Variants in JMJD1C observed in about 807,000 individuals in gnomAD.
The protein encoded by JMJD1C is jumonji domain containing 1C.
JMJD1C carries 31 observed loss-of-function variants against 245.3 expected under a neutral mutation model. The ratio of observed to expected loss-of-function variants is 0.13; its 90% CI spans 0.09 to 0.17. JMJD1C has a LOEUF of 0.17. Ranked by LOEUF, JMJD1C falls within the 10% of genes least tolerant of loss-of-function variation. JMJD1C has a pLI of 1.00. For missense variants in JMJD1C, 2,691 were observed against 3,000.2 expected (o/e 0.90, Z 2.41); for synonymous variants, 1,057 against 1,017.4 (o/e 1.04, Z -0.74).
chr10:63,431,771 T>A (rs1458761507), intron 1 of JMJD1C, among the ~76,000 whole-genome samples: 1 of 152,192 alleles, frequency 6.6e-6, no homozygotes, highest in Admixed American at 6.5e-5. Flanking sequence ...CCCAGCACTT[T>A]GGGAGGCCGA....
At chr10:63,279,364 GA>G (rs1245830975) in intron 2 of JMJD1C, among the ~76,000 whole-genome samples, 1 of 151,886 alleles carries the variant, frequency 6.6e-6, no homozygotes, top group East Asian at 1.9e-4. Flanking sequence ...CATTGAAACA[GA>G]AAAAAAATTT....
chr10:63,477,785 C>T (rs1953709784), intron 1 of JMJD1C, among the ~76,000 whole-genome samples: 1 of 152,092 alleles, frequency 6.6e-6, no homozygotes, highest in Non-Finnish European at 1.5e-5. Flanking sequence ...AAAACTTCTG[C>T]TCTCCAAAGG....
upstream of JMJD1C, chr10:63,466,063 G>A: frequency 4.6e-6 from 1 of 215,426 alleles, no homozygotes; most frequent in Non-Finnish European, 9.1e-6. Flanking sequence ...GGGAGGGTCG[G>A]CGGAACCACC....
chr10:63,500,746 A>AGGATGGAAGGATGGATGAATGGAT (rs1954524441), intron 1 of JMJD1C, among the ~76,000 whole-genome samples: 2 of 112,068 alleles, frequency 1.8e-5, no homozygotes, highest in Non-Finnish European at 4.2e-5. Context: ...GATGGATGGA[A>AGGATGGAAGGATGGATGAATGGAT]GGATGGATGG....
upstream of JMJD1C, among the ~76,000 whole-genome samples, chr10:63,470,404 T>C (rs10761771): frequency 0.42 from 63,988 of 152,042 alleles, 14,210 homozygotes; most frequent in South Asian, 0.53. Flanking sequence ...TTCAAAATAA[T>C]GTCTTATGTA....
Position 63,203,713 on chromosome 10 carries a change from A to G in JMJD1C, c.5074+2882T>C, listed in dbSNP as rs1055693349. 3.1e-6 allele frequency: 3 copies of G among 983,136 alleles called. No homozygotes were observed. The African/African-American group carries it at 5.2e-5, about 17-fold the overall frequency. 60.9% of individuals were successfully genotyped at this position (983,136 alleles called of 1,614,324 possible). ...GTAGCAGAGAGGAAGACATTCCAAA[A>G]GAGTAGATAAGACAAAATCTATTAT... On this transcript the variant is annotated intron_variant, in intron 10 of 25. Transcript: ENST00000399262.
rs1846857995 is a variant in JMJD1C at position 63,208,008 on chromosome 10, C to T, written c.3661G>A (p.Glu1221Lys). ...GGGGAAAGACTACTATAGCTGCCTT[C>T]CTTTCTTTCCAGGCTGTGATGGATT... ...PPIHHSLERK[E>K]GSYSSLSPPT... is the part of the protein sequence containing the mutation. The change falls in exon 10 of 26, where the codon GAA (glutamate) becomes AAA (lysine). Residue 1221 changes from glutamate (E) to lysine (K), a missense_variant. By Grantham distance (56) the Glu-to-Lys change is moderately conservative. Transcript: ENST00000399262. The T allele has an allele frequency of 1.2e-6, 2 of 1,614,172 alleles. No individual in the cohort carries two copies. Among genetic ancestry groups the T allele is most frequent in the Non-Finnish European group, 1.7e-6 (2 of 1,180,020 alleles).
chr10:63,182,484 G>C (rs1843607996), intron 22 of JMJD1C, among the ~76,000 whole-genome samples: 1 of 152,164 alleles, frequency 6.6e-6, no homozygotes, highest in African/African-American at 2.4e-5. Flanking sequence ...AAGTGACAAA[G>C]ATGGTAAAAT....
Position 63,206,674 on chromosome 10 carries a change from T to C in JMJD1C, c.4995A>G (p.Glu1665=). 1 of 1,613,246 alleles carries C rather than the reference T, an allele frequency of 6.2e-7. No homozygotes were observed. Among genetic ancestry groups the C allele is most frequent in the Non-Finnish European group, 8.5e-7 (1 of 1,179,748 alleles). The part of the protein sequence containing the change: ...NDLQKRKGEI[E]EDLKPNGVLS... Reference sequence around the variant, plus strand: ...GAACTCCATTGGGTTTCAAATCTTCTTCTATTTCACCTTTTCTCTTTTGCA... The same window carrying C: ...GAACTCCATTGGGTTTCAAATCTTCCTCTATTTCACCTTTTCTCTTTTGCA... The change falls in exon 10 of 26, where the codon GAA becomes GAG. Residue 1665 remains glutamate, a synonymous_variant. Transcript: ENST00000399262.
chr10:63,292,661 A>C lies in JMJD1C; in HGVS notation c.334-27897T>G, dbSNP rs977921789. Among the ~76,000 whole-genome samples the C allele has an allele frequency of 3.3e-5, 5 of 152,136 alleles. No individual in the cohort carries two copies. The South Asian group carries it at 1.0e-3, about 31-fold the overall frequency. ...ATCATCACATCATACTAATGTTTAC[A>C]AACATTCTAAAGCCAAATCCACTTC... On this transcript the variant is annotated intron_variant, in intron 2 of 25. Coordinates refer to ENST00000399262, the MANE Select transcript of JMJD1C (RefSeq NM_032776.3).
At chr10:63,264,341 T>G (rs1054180451) in intron 3 of JMJD1C, among the ~76,000 whole-genome samples, 1 of 152,156 alleles carries the variant, frequency 6.6e-6, no homozygotes, top group Non-Finnish European at 1.5e-5. Flanking sequence ...TGAAGACAAT[T>G]TATACTAATA....
At chr10:63,210,812 T>A (rs1468066535) in intron 8 of JMJD1C, among the ~76,000 whole-genome samples, 1 of 152,160 alleles carries the variant, frequency 6.6e-6, no homozygotes, top group Non-Finnish European at 1.5e-5. Flanking sequence ...GTAAAGAGGA[T>A]AATATAGTGA....
At chr10:63,320,298 T>G (rs527909415) in intron 2 of JMJD1C, among the ~76,000 whole-genome samples, 27 of 152,336 alleles carry the variant, frequency 1.8e-4, no homozygotes, top group Non-Finnish European at 3.4e-4. Flanking sequence ...TTTAATACAT[T>G]TATTAGGATA....
intron 10 of JMJD1C, chr10:63,204,945 C>A (rs996057103): frequency 1.0e-6 from 1 of 985,312 alleles, no homozygotes. Context: ...CTTTGAGTGT[C>A]CACATTGTCA....
At chr10:63,236,452 A>C (rs1224687412) in intron 3 of JMJD1C, among the ~76,000 whole-genome samples, 1 of 152,342 alleles carries the variant, frequency 6.6e-6, no homozygotes, top group East Asian at 1.9e-4. Flanking sequence ...TGATACTTTT[A>C]ATAATAGTTT....
chr10:63,378,288 C>T (rs1283583488), intron 2 of JMJD1C, among the ~76,000 whole-genome samples: 4 of 151,898 alleles, frequency 2.6e-5, no homozygotes, highest in Non-Finnish European at 4.4e-5. Context: ...ATCTTAATTG[C>T]CTTTAAGAAA....
intron 4 of JMJD1C, among the ~76,000 whole-genome samples, chr10:63,218,562 CAATTCCCATT>C (rs1490899677): frequency 6.6e-6 from 1 of 152,052 alleles, no homozygotes. Context: ...GATCAGTTTT[CAATTCCCATT>C]AACAAACAGT....
chr10:63,187,580 G>A (rs187809236), intron 18 of JMJD1C, among the ~76,000 whole-genome samples: 19 of 152,154 alleles, frequency 1.2e-4, no homozygotes, highest in Admixed American at 2.6e-4. Context: ...TGGGACTACT[G>A]GTGTGAACCA....
chr10:63,199,628 T>C (rs1845808034), intron 11 of JMJD1C, among the ~76,000 whole-genome samples: 2 of 152,150 alleles, frequency 1.3e-5, no homozygotes, highest in Admixed American at 1.3e-4. Context: ...TACTTTCCTT[T>C]TGATTCCTTT....
Sources: gnomAD v4.1 joint callset for allele counts (sites outside exome capture counted in the v4.1 genomes callset) on GRCh38, gnomAD v4.1.1 for gene constraint, MANE v1.5 for transcripts, NCBI Gene and HGNC (gene_info 2026-07-23, HGNC 2026-07-21) for gene names.